Variants in GABBR1 observed in about 807,000 individuals in gnomAD.
GABBR1 encodes the protein GABA-B receptor, R1 subunit.
In GABBR1, 35 loss-of-function variants were observed where a neutral mutation model predicts 117.7. That is an observed-to-expected ratio of 0.30 (90% CI 0.23 to 0.39). GABBR1 has a LOEUF of 0.39. Among genes scored for constraint, GABBR1 ranks in the 10% least tolerant of loss-of-function variants. GABBR1 has a pLI of 1.00. For synonymous variants in GABBR1, 442 were observed against 486.6 expected (o/e 0.91, Z 1.21); for missense variants, 709 against 1,241.8 (o/e 0.57, Z 6.45).
chr6:29,607,253 T>A lies in GABBR1; in HGVS notation c.1993-35A>T. Reference sequence around the variant, plus strand: ...AAGAGAGGGCACAGGCAGAACAGGGTAGAGTAGTAGCCGGGACTGCAGTAA... The same window carrying A: ...AAGAGAGGGCACAGGCAGAACAGGGAAGAGTAGTAGCCGGGACTGCAGTAA... On this transcript the variant is annotated intron_variant, in intron 16 of 22. Transcript: ENST00000377034. The surrounding 1 kb of genome is among the most constrained non-coding windows in gnomAD (Gnocchi z 5.0). The A allele has an allele frequency of 2.6e-6, 4 of 1,545,986 alleles. No homozygotes were observed. The highest frequency in any genetic ancestry group is 3.6e-6 in the Non-Finnish European group (4 of 1,119,806).
At position 29,633,075 on chromosome 6, in the gene GABBR1, C is replaced by CG. The variant is rs1765184112; in HGVS notation, c.-227dup. 6.5e-6 allele frequency: 1 copy of CG among 154,082 alleles called. No individual in the cohort carries two copies. Among genetic ancestry groups the CG allele is most frequent in the Admixed American group, 6.5e-5 (1 of 15,292 alleles). The allele number at this position is 154,082 out of a possible 1,614,324, so 9.5% of individuals were successfully genotyped here. On this transcript the variant is annotated 5_prime_UTR_variant, in exon 1 of 23. Coordinates refer to ENST00000377034, the MANE Select transcript of GABBR1 (RefSeq NM_001470.4). This position sits in a 1 kb window ranked among gnomAD's most constrained non-coding sequence, Gnocchi z 4.4. ...CCCGGGGCGGCGGCAGCCACGGGAGCGGGGAGCGGGGAGCCGGGAGGGAAG... is the reference window on the plus strand; with the variant it reads ...CCCGGGGCGGCGGCAGCCACGGGAGCGGGGGAGCGGGGAGCCGGGAGGGAAG...
chr6:29,608,953 A>G (rs573856731), intron 15 of GABBR1, among the ~76,000 whole-genome samples: 7 of 152,308 alleles, frequency 4.6e-5, no homozygotes, highest in Non-Finnish European at 8.8e-5. Context: ...ACAGGCCCCC[A>G]CTAGAATACA....
chr6:29,610,704 A>G (rs1314271068), intron 14 of GABBR1, among the ~76,000 whole-genome samples: 1 of 152,018 alleles, frequency 6.6e-6, no homozygotes, highest in East Asian at 1.9e-4. Context: ...CACCATTAAA[A>G]ATAGTACTAA....
chr6:29,613,621 CAT>C lies in GABBR1; in HGVS notation c.1324-138_1324-137del. ...ACTGTTGTCAGATTGGACACATGTA[CAT>C]TCAAAATCTTTAACTATACCCATGT... is the stretch of plus-strand genomic sequence containing the variant. On this transcript the variant is annotated intron_variant, in intron 11 of 22. Transcript: ENST00000377034. This position sits in a 1 kb window ranked among gnomAD's most constrained non-coding sequence, Gnocchi z 4.1. The C allele has an allele frequency of 8.9e-7, 1 of 1,121,010 alleles. No homozygotes were observed. Among genetic ancestry groups the C allele is most frequent in the Non-Finnish European group, 1.3e-6 (1 of 787,276 alleles). The allele number at this position is 1,121,010 out of a possible 1,614,324, so 69.4% of individuals were successfully genotyped here.
chr6:29,616,796 G>T (rs568278186), intron 11 of GABBR1, among the ~76,000 whole-genome samples: 2 of 149,054 alleles, frequency 1.3e-5, no homozygotes, highest in Non-Finnish European at 3.0e-5. Context: ...CAAGGCTGCA[G>T]CGATTGTACC....
At chr6:29,608,904 C>T (rs543651774) in intron 15 of GABBR1, among the ~76,000 whole-genome samples, 171 bp from the exon 16 acceptor site, 58 of 152,318 alleles carry the variant, frequency 3.8e-4, no homozygotes, top group African/African-American at 9.4e-4. Flanking sequence ...GCAATGCAGT[C>T]ATGGGGCTGA....
rs1764991844 is a variant in GABBR1, at chr6:29,631,685, AG to A, written c.86-87del. ...TCCCCAGTGGGAGGAAGGGGAGAGT[AG>A]GGCGTGGTCTGTGGGCAGGCTGGGG... On this transcript the variant is annotated intron_variant, in intron 2 of 22. Coordinates refer to ENST00000377034, the MANE Select transcript of GABBR1 (RefSeq NM_001470.4). This position sits in a 1 kb window ranked among gnomAD's most constrained non-coding sequence, Gnocchi z 5.9. 8.1e-7 allele frequency: 1 copy of A among 1,228,822 alleles called. No homozygotes were observed. Among genetic ancestry groups the A allele is most frequent in the African/African-American group, 1.5e-5 (1 of 67,514 alleles). 76.1% of individuals were successfully genotyped at this position (1,228,822 alleles called of 1,614,324 possible). A position where few individuals can be genotyped will look rare whatever the true frequency, so the allele number is the denominator to read the frequency against.
At chr6:29,616,923 G>A (rs1210492624) in intron 11 of GABBR1, among the ~76,000 whole-genome samples, 27 of 148,624 alleles carry the variant, frequency 1.8e-4, no homozygotes, top group Non-Finnish European at 3.6e-4. Flanking sequence ...CGAGGCGGGC[G>A]GATCACGAGG....
rs1170290219 is a variant in GABBR1 at position 29,631,968 on chromosome 6, G to A, written c.85+333C>T. 2.0e-5 allele frequency among the ~76,000 whole-genome samples: 3 copies of A among 151,938 alleles called. No homozygotes were observed. Among genetic ancestry groups the A allele is most frequent in the South Asian group, 2.1e-4 (1 of 4,818 alleles). On this transcript the variant is annotated intron_variant, in intron 2 of 22. Coordinates refer to ENST00000377034, the MANE Select transcript of GABBR1 (RefSeq NM_001470.4). This position sits in a 1 kb window ranked among gnomAD's most constrained non-coding sequence, Gnocchi z 5.9. ...GTTGAATTAGGATAGGAGGATAAAG[G>A]GAGGCTAATAAGATCATCTGGACAG...
At position 29,620,403 on chromosome 6, in the gene GABBR1, A is replaced by G. The variant is rs1001313825; in HGVS notation, c.1323+698T>C. ...ACACATAGGTGGCCGTATCGAGCTT[A>G]CCCAAAATTCCTGTACTCTTTACAA... On this transcript the variant is annotated intron_variant, in intron 11 of 22. Coordinates refer to ENST00000377034, the MANE Select transcript of GABBR1 (RefSeq NM_001470.4). This position sits in a 1 kb window ranked among gnomAD's most constrained non-coding sequence, Gnocchi z 4.5. Among the ~76,000 whole-genome samples, 1 of 152,190 alleles carries G rather than the reference A, an allele frequency of 6.6e-6. No homozygotes were observed. Among genetic ancestry groups the G allele is most frequent in the Non-Finnish European group, 1.5e-5 (1 of 68,032 alleles).
Position 29,632,665 on chromosome 6 carries a change from G to A in GABBR1, c.-1+185C>T. 7.1e-7 allele frequency: 1 copy of A among 1,412,810 alleles called. No homozygotes were observed. Among genetic ancestry groups the A allele is most frequent in the Non-Finnish European group, 9.2e-7 (1 of 1,082,080 alleles). 87.5% of individuals were successfully genotyped at this position (1,412,810 alleles called of 1,614,324 possible). On this transcript the variant is annotated intron_variant, in intron 1 of 22. Coordinates refer to ENST00000377034, the MANE Select transcript of GABBR1 (RefSeq NM_001470.4). The surrounding 1 kb of genome is among the most constrained non-coding windows in gnomAD (Gnocchi z 5.8). ...TCCTCTCCCCCGGCCCCCGCGGCTC[G>A]CAGAAGCCTGGCTTACCCACGCTCC...
Position 29,603,522 on chromosome 6 carries a change from C to T in GABBR1, c.*21G>A, listed in dbSNP as rs1209486485. ...TCTCCCTTTCCCTCCCCCTACTGGC[C>T]TGTCCTCCCTCACCCTACCCTCACT... On this transcript the variant is annotated 3_prime_UTR_variant, in exon 23 of 23. Coordinates refer to ENST00000377034, the MANE Select transcript of GABBR1 (RefSeq NM_001470.4). The T allele has an allele frequency of 6.5e-7, 1 of 1,544,364 alleles. No individual in the cohort carries two copies. The highest frequency in any genetic ancestry group is 8.7e-7 in the Non-Finnish European group (1 of 1,143,780).
At position 29,611,149 on chromosome 6, in the gene GABBR1, G is replaced by A. The variant is rs979391708; in HGVS notation, c.1631-148C>T. The A allele has an allele frequency of 9.9e-6, 6 of 603,906 alleles. No homozygotes were observed. Among genetic ancestry groups the A allele is most frequent in the South Asian group, 2.2e-5 (1 of 46,482 alleles). 37.4% of individuals were successfully genotyped at this position (603,906 alleles called of 1,614,324 possible). A position where few individuals can be genotyped will look rare whatever the true frequency, so the allele number is the denominator to read the frequency against. ...CCTAAGGATGCTTGGAAGGACCTAC[G>A]AGACTCTTGAATCAGCAACATGACT... On this transcript the variant is annotated intron_variant, in intron 13 of 22. Coordinates refer to ENST00000377034, the MANE Select transcript of GABBR1 (RefSeq NM_001470.4). The surrounding 1 kb of genome is among the most constrained non-coding windows in gnomAD (Gnocchi z 4.6).
chr6:29,631,446 T>C lies in GABBR1; in HGVS notation c.239A>G (p.Lys80Arg), dbSNP rs775596174. 2 of 1,614,162 alleles carry C rather than the reference T, an allele frequency of 1.2e-6. No homozygotes were observed. The highest frequency in any genetic ancestry group is 1.7e-6 in the Non-Finnish European group (2 of 1,180,030). Residue 80 changes from lysine to arginine, a missense_variant, in exon 3 of 23, where the codon AAG (lysine) becomes AGG (arginine). Physicochemically the swap from Lys to Arg is conservative, Grantham distance 26. This residue lies in a region of GABBR1 where 101 missense variants were observed against 132.3 expected (regional missense o/e 0.76). Coordinates refer to ENST00000377034, the MANE Select transcript of GABBR1 (RefSeq NM_001470.4). The surrounding 1 kb of genome is among the most constrained non-coding windows in gnomAD (Gnocchi z 5.9). ...EREVVGPKVR[K>R]CLANGSWTDM... ...TGTCCAGGAGCCGTTGGCCAGGCACTTGCGGACCTTGGGCCCCACCACCTC... is the reference window on the plus strand; with the variant it reads ...TGTCCAGGAGCCGTTGGCCAGGCACCTGCGGACCTTGGGCCCCACCACCTC...
chr6:29,611,227 A>C lies in GABBR1; in HGVS notation c.1631-226T>G, dbSNP rs1762507315. ...ACAACTCAAATAAATAAGAATATCT[A>C]TGTTTAAAAGTCTTCAGTGAGGAGG... is the stretch of plus-strand genomic sequence containing the variant. On this transcript the variant is annotated intron_variant, in intron 13 of 22. Transcript: ENST00000377034. This position sits in a 1 kb window ranked among gnomAD's most constrained non-coding sequence, Gnocchi z 4.6. 1 of 488,314 alleles carries C rather than the reference A, an allele frequency of 2.0e-6. No individual in the cohort carries two copies. The highest frequency in any genetic ancestry group is 3.4e-5 in the Admixed American group (1 of 29,232). The allele number at this position is 488,314 out of a possible 1,614,324, so 30.2% of individuals were successfully genotyped here.
chr6:29,619,394 A>C (rs1312600528), intron 11 of GABBR1, among the ~76,000 whole-genome samples: 2 of 152,234 alleles, frequency 1.3e-5, no homozygotes, highest in African/African-American at 4.8e-5. Flanking sequence ...GTCCCACTGG[A>C]AGCCCTATGG....
intron 11 of GABBR1, among the ~76,000 whole-genome samples, chr6:29,616,500 A>C (rs1045519056): frequency 2.0e-5 from 3 of 151,604 alleles, no homozygotes; most frequent in African/African-American, 7.3e-5. Context: ...CCTGACCAAC[A>C]TGGTGAAACC....
chr6:29,605,561 G>A lies in GABBR1; in HGVS notation c.2439+8C>T. ...CTACAGGGTCAATGCCATGGGGTCA[G>A]TGCTCACTGCCACATTGTAGATAGC... On this transcript the variant is annotated splice_region_variant and intron_variant, in intron 20 of 22. Coordinates refer to ENST00000377034, the MANE Select transcript of GABBR1 (RefSeq NM_001470.4). This position sits in a 1 kb window ranked among gnomAD's most constrained non-coding sequence, Gnocchi z 4.2. 4 of 1,612,886 alleles carry A rather than the reference G, an allele frequency of 2.5e-6. No homozygotes were observed. Among genetic ancestry groups the A allele is most frequent in the Non-Finnish European group, 3.4e-6 (4 of 1,179,982 alleles).
chr6:29,619,095 G>A (rs961315280), intron 11 of GABBR1, among the ~76,000 whole-genome samples: 13 of 152,218 alleles, frequency 8.5e-5, no homozygotes, highest in Non-Finnish European at 1.6e-4. Context: ...AGAATTTCCA[G>A]GGGAAGGGCC....
Sources: allele counts gnomAD v4.1 joint callset (sites outside exome capture counted in the v4.1 genomes callset), GRCh38; gene constraint gnomAD v4.1.1; regional missense constraint gnomAD v4.1.1; non-coding constraint Gnocchi (gnomAD v3.1); transcripts MANE v1.5; gene names NCBI Gene and HGNC (gene_info 2026-07-23, HGNC 2026-07-21).